Variants in NAA25 observed in about 807,000 individuals in gnomAD.
The protein encoded by NAA25 is N-alpha-acetyltransferase 25, NatB auxiliary subunit, also known as N-terminal acetyltransferase B complex subunit NAA25.
Under a neutral mutation model 132.5 loss-of-function variants are expected in NAA25, and 30 were observed. The observed-to-expected ratio is 0.23, with a 90% CI of 0.17 to 0.31. The LOEUF is 0.31. Ranked by LOEUF, NAA25 falls within the 10% of genes least tolerant of loss-of-function variation. The pLI is 1.00. For synonymous variants in NAA25, 359 were observed against 401.9 expected (o/e 0.89, Z 1.28); for missense variants, 771 against 1,150.4 (o/e 0.67, Z 4.77).
chr12:112,045,652 G>A (rs1046031509), intron 17 of NAA25, among the ~76,000 whole-genome samples: 3 of 151,612 alleles, frequency 2.0e-5, no homozygotes, highest in South Asian at 2.1e-4. Flanking sequence ...AAAATTAGCC[G>A]GGCGTGGTGG....
intron 1 of NAA25, among the ~76,000 whole-genome samples, chr12:112,100,483 G>T (rs2079277904): frequency 6.6e-6 from 1 of 151,096 alleles, no homozygotes; most frequent in Non-Finnish European, 1.5e-5. Flanking sequence ...TAGTTTAAAG[G>T]TTTATTTCCC....
chr12:112,035,768 C>T (rs2078217263), intron 22 of NAA25, among the ~76,000 whole-genome samples: 1 of 151,538 alleles, frequency 6.6e-6, no homozygotes, highest in South Asian at 2.1e-4. Flanking sequence ...GCCTCAATTT[C>T]CCAGGCTCTG....
chr12:112,055,221 A>G (rs191497444), intron 13 of NAA25, among the ~76,000 whole-genome samples: 1 of 152,336 alleles, frequency 6.6e-6, no homozygotes, highest in African/African-American at 2.4e-5. Context: ...TAGGTAAATT[A>G]TGGTAACTTC....
In NAA25 at chr12:112,027,272, C is replaced by T. The variant is rs969725910; in HGVS notation, c.*2259G>A. The stretch of plus-strand genomic sequence containing the variant: ...ATTCTCTTCAAATACCAATGGCATA[C>T]GATTGCTGGGAGAGGGTGCTTTTTA... On this transcript the variant is annotated 3_prime_UTR_variant, in exon 24 of 24. Coordinates refer to ENST00000261745, the MANE Select transcript of NAA25 (RefSeq NM_024953.4). 2 of 151,908 alleles carry T rather than the reference C, an allele frequency of 1.3e-5. No homozygotes were observed. Among genetic ancestry groups the T allele is most frequent in the Admixed American group, 6.6e-5 (1 of 15,214 alleles). The allele number at this position is 151,908 out of a possible 1,614,324, so 9.4% of individuals were successfully genotyped here. A position where few individuals can be genotyped will look rare whatever the true frequency, so the allele number is the denominator to read the frequency against.
At chr12:112,034,117 A>G (rs2078189880) in intron 22 of NAA25, 1 of 152,232 alleles carries the variant, frequency 6.6e-6, no homozygotes, top group Non-Finnish European at 1.5e-5. Context: ...GTTGGGGATG[A>G]GTACAAATGT....
chr12:112,093,738 G>A (rs1159823557), intron 1 of NAA25, among the ~76,000 whole-genome samples: 10 of 151,842 alleles, frequency 6.6e-5, no homozygotes, highest in Admixed American at 4.6e-4. Context: ...AAATTAGCCA[G>A]GCATGTTGCC....
chr12:112,060,213 G>T, intron 13 of NAA25, 57 bp downstream of exon 13: 1 of 1,096,184 alleles, frequency 9.1e-7, no homozygotes, highest in Non-Finnish European at 1.4e-6. Context: ...AAAGAATGCA[G>T]TACTTATAAT....
intron 1 of NAA25, among the ~76,000 whole-genome samples, chr12:112,105,612 C>T (rs1306255837): frequency 6.6e-6 from 1 of 152,202 alleles, no homozygotes; most frequent in Non-Finnish European, 1.5e-5. Flanking sequence ...GCCCTGTCCA[C>T]ATATACCCTC....
intron 11 of NAA25, among the ~76,000 whole-genome samples, 172 bp downstream of exon 11, chr12:112,068,708 A>G (rs1357496412): frequency 6.6e-6 from 1 of 152,210 alleles, no homozygotes; most frequent in Admixed American, 6.5e-5. Context: ...ACTTAACCAG[A>G]AATTATGCCT....
chr12:112,092,571 A>G (rs1593830882), intron 2 of NAA25, among the ~76,000 whole-genome samples: 1 of 152,096 alleles, frequency 6.6e-6, no homozygotes. Context: ...AGGTTGCAGT[A>G]CCTGAGATCA....
chr12:112,028,653 T>C lies in NAA25; in HGVS notation c.*878A>G, dbSNP rs2078112092. 6.6e-6 allele frequency: 1 copy of C among 152,124 alleles called. No homozygotes were observed. The highest frequency in any genetic ancestry group is 2.1e-4 in the South Asian group (1 of 4,828). 9.4% of individuals were successfully genotyped at this position (152,124 alleles called of 1,614,324 possible). A position where few individuals can be genotyped will look rare whatever the true frequency, so the allele number is the denominator to read the frequency against. On this transcript the variant is annotated 3_prime_UTR_variant, in exon 24 of 24. Coordinates refer to ENST00000261745, the MANE Select transcript of NAA25 (RefSeq NM_024953.4). Reference sequence around the variant, plus strand: ...ATGTGTATATATATATATGTATATATATGACTCACAAAACCAATGAAATAA... The same window carrying C: ...ATGTGTATATATATATATGTATATACATGACTCACAAAACCAATGAAATAA...
intron 15 of NAA25, among the ~76,000 whole-genome samples, chr12:112,053,271 C>G (rs930891181): frequency 6.6e-6 from 1 of 152,176 alleles, no homozygotes; most frequent in Non-Finnish European, 1.5e-5. Flanking sequence ...GGAAAAGTCT[C>G]TTAGAGATTA....
intron 5 of NAA25, 37 bp from the exon 6 acceptor site, chr12:112,078,778 C>T (rs781679871): frequency 1.3e-6 from 2 of 1,521,574 alleles, no homozygotes; most frequent in South Asian, 2.3e-5. Flanking sequence ...TCTAATTCTC[C>T]CCTGCTTGCA....
chr12:112,054,660 C>G (rs2078517516), intron 13 of NAA25, 92 bp from the exon 14 acceptor site: 2 of 1,130,262 alleles, frequency 1.8e-6, no homozygotes, highest in African/African-American at 1.6e-5. Context: ...CATCATCACC[C>G]CCCCCAATAA....
chr12:112,048,191 AT>A, intron 16 of NAA25, 100 bp downstream of exon 16: 1 of 1,170,878 alleles, frequency 8.5e-7, no homozygotes. Flanking sequence ...TTTTCCCCCT[AT>A]TTTACCTTAA....
intron 11 of NAA25, 110 bp from the exon 12 acceptor site, chr12:112,061,498 ACT>A: frequency 1.2e-6 from 1 of 866,348 alleles, no homozygotes; most frequent in Non-Finnish European, 1.8e-6. Context: ...GAAAAAAAAA[ACT>A]AAAATTCCTT....
intron 17 of NAA25, 100 bp downstream of exon 17, chr12:112,047,565 C>A: frequency 7.2e-7 from 1 of 1,392,340 alleles, no homozygotes; most frequent in Non-Finnish European, 9.8e-7. Context: ...CTGCTTCACC[C>A]AGGAGTTCGA....
At chr12:112,067,957 T>C (rs2078743755) in intron 11 of NAA25, among the ~76,000 whole-genome samples, 1 of 152,106 alleles carries the variant, frequency 6.6e-6, no homozygotes, top group South Asian at 2.1e-4. Flanking sequence ...AGGCTGGTCT[T>C]GAACTCCTGA....
At chr12:112,091,541 A>G (rs750470661) in intron 2 of NAA25, among the ~76,000 whole-genome samples, 2 of 152,142 alleles carry the variant, frequency 1.3e-5, no homozygotes, top group African/African-American at 2.4e-5. Flanking sequence ...AAAAGTTTAA[A>G]TATTAGCCAG....
Sources: gnomAD v4.1 joint callset for allele counts (sites outside exome capture counted in the v4.1 genomes callset) on GRCh38, gnomAD v4.1.1 for gene constraint, MANE v1.5 for transcripts, NCBI Gene and HGNC (gene_info 2026-07-23, HGNC 2026-07-21) for gene names.